CUX2: variants seen among roughly 807,000 people sequenced by gnomAD.
CUX2 encodes the protein homeobox protein cut-like 2.
CUX2 carries 40 observed loss-of-function variants against 144.8 expected under a neutral mutation model. The ratio of observed to expected loss-of-function variants is 0.28; its 90% CI spans 0.21 to 0.36. The LOEUF is 0.36. CUX2 is among the 10% of genes least tolerant of loss of function. The pLI, the probability that CUX2 is intolerant of heterozygous loss-of-function variation, is 1.00. For synonymous variants in CUX2, 827 were observed against 875.6 expected (o/e 0.94, Z 0.98); for missense variants, 1,615 against 1,994.0 (o/e 0.81, Z 3.62).
Position 111,184,780 on chromosome 12 carries a change from G to T in CUX2, c.64-29420G>T, listed in dbSNP as rs368245826. Among the ~76,000 whole-genome samples, 5 of 151,358 alleles carry T rather than the reference G, an allele frequency of 3.3e-5. 1 individual carries two copies. Among genetic ancestry groups the T allele is most frequent in the African/African-American group, 1.2e-4 (5 of 41,194 alleles). On this transcript the variant is annotated intron_variant, in intron 1 of 21. Transcript: ENST00000261726. ...TCAAAAGAAAAGAAAATGACACATT[G>T]CGGCTGGGTGCGTTGGCTCATGCCT...
rs911706013 is a variant in CUX2 at position 111,289,731 on chromosome 12, C to T, written c.302-1687C>T. Among the ~76,000 whole-genome samples the T allele has an allele frequency of 1.3e-5, 2 of 151,840 alleles. No individual in the cohort carries two copies. The highest frequency in any genetic ancestry group is 4.8e-5 in the African/African-American group (2 of 41,310). ...TCTTACATCTAGATGTGTGTTTTGC[C>T]CCCGAAAAAGTCCTTAACCAACAAC... On this transcript the variant is annotated intron_variant, in intron 4 of 21. Coordinates refer to ENST00000261726, the MANE Select transcript of CUX2 (RefSeq NM_015267.4). The surrounding 1 kb of genome is among the most constrained non-coding windows in gnomAD (Gnocchi z 4.1).
chr12:111,274,076 T>A (rs1372169754), intron 4 of CUX2, among the ~76,000 whole-genome samples: 2 of 151,828 alleles, frequency 1.3e-5, no homozygotes, highest in African/African-American at 4.8e-5. Context: ...TTTTTGGGGG[T>A]TTTTTTGTTG....
At chr12:111,290,254 A>G (rs1326746360) in intron 4 of CUX2, among the ~76,000 whole-genome samples, 2 of 152,084 alleles carry the variant, frequency 1.3e-5, no homozygotes, top group Non-Finnish European at 2.9e-5. Flanking sequence ...GATCCCAGCT[A>G]CTCGGGAGGC....
At chr12:111,049,812 A>T (rs1039325540) in intron 1 of CUX2, among the ~76,000 whole-genome samples, 1 of 152,066 alleles carries the variant, frequency 6.6e-6, no homozygotes, top group Admixed American at 6.6e-5. Flanking sequence ...TTTGAGAGAG[A>T]CTTTTTTGGG....
intron 4 of CUX2, among the ~76,000 whole-genome samples, chr12:111,267,073 C>T (rs1884422963): frequency 6.6e-6 from 1 of 151,896 alleles, no homozygotes; most frequent in Non-Finnish European, 1.5e-5. Context: ...TCGTGGGCGC[C>T]TGTGGTCCTA....
At chr12:111,088,149 T>A (rs1414543837) in intron 1 of CUX2, among the ~76,000 whole-genome samples, 2 of 152,148 alleles carry the variant, frequency 1.3e-5, no homozygotes, top group Non-Finnish European at 2.9e-5. Flanking sequence ...GAGGAAAATA[T>A]GTGTGCTTAT....
chr12:111,318,592 CT>C lies in CUX2; in HGVS notation c.2003-1413del, dbSNP rs111586172. 9.2e-4 allele frequency among the ~76,000 whole-genome samples: 125 copies of C among 136,156 alleles called. 1 individual carries two copies. Among genetic ancestry groups the C allele is most frequent in the East Asian group, 7.3e-3 (29 of 4,000 alleles). 89.3% of individuals were successfully genotyped at this position (136,156 alleles called of 152,430 possible). On this transcript the variant is annotated intron_variant, in intron 16 of 21. Coordinates refer to ENST00000261726, the MANE Select transcript of CUX2 (RefSeq NM_015267.4). The stretch of plus-strand genomic sequence containing the variant: ...TGGGAAGCATAGCAAGACCACATCT[CT>C]TTTTTTAAAAAAAAAAAAAGATTCA...
chr12:111,319,762 G>C (rs1471343206), intron 16 of CUX2, among the ~76,000 whole-genome samples: 1 of 152,202 alleles, frequency 6.6e-6, no homozygotes, highest in African/African-American at 2.4e-5. Flanking sequence ...TCAGGTCTGT[G>C]TTTGCATTGC....
intron 3 of CUX2, among the ~76,000 whole-genome samples, chr12:111,258,253 G>A (rs1167766299): frequency 5.3e-5 from 8 of 152,148 alleles, no homozygotes; most frequent in Admixed American, 6.5e-5. Context: ...TGGCTCACGC[G>A]TGTAATCCCA....
intron 1 of CUX2, among the ~76,000 whole-genome samples, chr12:111,145,190 C>G (rs1876588953): frequency 6.6e-6 from 1 of 152,182 alleles, no homozygotes; most frequent in African/African-American, 2.4e-5. Flanking sequence ...TAATGCTTGT[C>G]CAGGCGTGGC....
chr12:111,175,993 G>C (rs542831417), intron 1 of CUX2, among the ~76,000 whole-genome samples: 1 of 151,126 alleles, frequency 6.6e-6, no homozygotes, highest in African/African-American at 2.4e-5. Flanking sequence ...TCCCTAGATT[G>C]GGGGGAGAAC....
rs554298032 is a variant in CUX2, at chr12:111,211,813, G to A, written c.64-2387G>A. Among the ~76,000 whole-genome samples the A allele has an allele frequency of 7.9e-5, 12 of 151,966 alleles. No homozygotes were observed. In the East Asian group the frequency reaches 2.3e-3, roughly 29 times the overall value. On this transcript the variant is annotated intron_variant, in intron 1 of 21. Transcript: ENST00000261726. Reference sequence around the variant, plus strand: ...GAGGCAGGAGAATGCCGTGAACCTGGGAGGCGGAGCTTGCAGTGAGCTGAG... The same window carrying A: ...GAGGCAGGAGAATGCCGTGAACCTGAGAGGCGGAGCTTGCAGTGAGCTGAG...
At chr12:111,236,740 G>C (rs1882771542) in intron 3 of CUX2, among the ~76,000 whole-genome samples, 1 of 152,240 alleles carries the variant, frequency 6.6e-6, no homozygotes, top group Non-Finnish European at 1.5e-5. Flanking sequence ...AATAGGGGGA[G>C]ACCTGGGTTC....
At chr12:111,199,735 T>C (rs1442492635) in intron 1 of CUX2, among the ~76,000 whole-genome samples, 1 of 152,174 alleles carries the variant, frequency 6.6e-6, no homozygotes, top group Non-Finnish European at 1.5e-5. Context: ...CTGTCTGTGG[T>C]ATGTGTCTCT....
rs777651077 is a variant in CUX2 at position 111,347,873 on chromosome 12, G to A, written c.4009G>A (p.Gly1337Ser). Residue 1337 changes from glycine (G) to serine (S), a missense_variant, in exon 22 of 22, where the codon GGT becomes AGT. Physicochemically the swap from Gly to Ser is moderately conservative, Grantham distance 56 (BLOSUM62 0). Around this residue, in one of 12 missense-constraint regions of CUX2, gnomAD observed 298 missense variants for 330.4 expected, o/e 0.90. Coordinates refer to ENST00000261726, the MANE Select transcript of CUX2 (RefSeq NM_015267.4). The stretch of plus-strand genomic sequence containing the variant: ...CAAAGAGGAGCATCCCGACCCTCCG[G>A]GTAATGATGGACTCCCAAAAGTGGC... ...PPKEEHPDPP[G>S]NDGLPKVAPG... The A allele has an allele frequency of 1.2e-6, 2 of 1,614,114 alleles. No individual in the cohort carries two copies. Among genetic ancestry groups the A allele is most frequent in the South Asian group, 1.1e-5 (1 of 91,080 alleles).
intron 16 of CUX2, among the ~76,000 whole-genome samples, chr12:111,315,412 C>G (rs371968723): frequency 1.3e-5 from 2 of 152,266 alleles, no homozygotes; most frequent in African/African-American, 4.8e-5. Flanking sequence ...AAAGGTAGAA[C>G]TTTTAATGAT....
At chr12:111,209,480 C>T (rs1565850010) in intron 1 of CUX2, among the ~76,000 whole-genome samples, 1 of 152,076 alleles carries the variant, frequency 6.6e-6, no homozygotes, top group Non-Finnish European at 1.5e-5. Flanking sequence ...CATAGGAGTC[C>T]CTTTGAAGAG....
intron 1 of CUX2, among the ~76,000 whole-genome samples, chr12:111,079,657 A>T (rs897093828): frequency 6.6e-6 from 1 of 152,138 alleles, no homozygotes; most frequent in Admixed American, 6.5e-5. Flanking sequence ...AGAATCATTG[A>T]TTGGGCAGCT....
intron 1 of CUX2, among the ~76,000 whole-genome samples, chr12:111,203,043 C>T (rs545665045): frequency 6.6e-6 from 1 of 152,040 alleles, no homozygotes; most frequent in Non-Finnish European, 1.5e-5. Flanking sequence ...ACCAGACTGG[C>T]CAATGTGGTG....
Sources: gnomAD v4.1 joint callset for allele counts (sites outside exome capture counted in the v4.1 genomes callset) on GRCh38, gnomAD v4.1.1 for gene constraint, gnomAD v4.1.1 regional missense constraint, Gnocchi (gnomAD v3.1) non-coding constraint, MANE v1.5 for transcripts, NCBI Gene and HGNC (gene_info 2026-07-23, HGNC 2026-07-21) for gene names.